The following EXT1 variants were observed in gnomAD, a reference collection of about 807,000 sequenced individuals.
EXT1 encodes the protein exostosin-1.
A neutral mutation model predicts 82.5 loss-of-function variants in EXT1; 20 were observed. The observed-to-expected ratio is 0.24, with a 90% confidence interval of 0.17 to 0.35. The LOEUF is 0.35. Ranked by LOEUF, EXT1 falls within the 10% of genes least tolerant of loss-of-function variation. The pLI, the probability that EXT1 is intolerant of heterozygous loss-of-function variation, is 1.00. For missense variants in EXT1, 757 were observed against 936.5 expected, an observed-to-expected ratio of 0.81 and a Z score of 2.50; for synonymous variants, 348 against 350.8, an observed-to-expected ratio of 0.99 and a Z score of 0.09.
At chr8:118,036,640 A>G (rs1405436415) in intron 1 of EXT1, among the ~76,000 whole-genome samples, 1 of 152,120 alleles carries the variant, frequency 6.6e-6, no homozygotes, top group Admixed American at 6.5e-5. Context: ...AGAAAATGTT[A>G]CTTCTGTGAT....
rs772967641 is a variant in EXT1, at chr8:118,110,300, C to G, written c.747G>C (p.Gly249=). ...GAGGGATGGTGTTGAACTTCAAAAA[C>G]CCCCTCTCCCCTCCTGTCCTGGGAT... ...KDHPRTGGER[G]FLKFNTIPPL... The change falls in exon 1 of 11, where the codon GGG becomes GGC. Residue 249 remains glycine, a synonymous_variant. Coordinates refer to ENST00000378204, the MANE Select transcript of EXT1 (RefSeq NM_000127.3). The G allele has an allele frequency of 6.2e-7, 1 of 1,614,132 alleles. No homozygotes were observed. The highest frequency in any genetic ancestry group is 2.2e-5 in the East Asian group (1 of 44,880).
intron 1 of EXT1, among the ~76,000 whole-genome samples, chr8:117,969,915 T>C (rs970384539): frequency 6.6e-6 from 1 of 152,174 alleles, no homozygotes; most frequent in Non-Finnish European, 1.5e-5. Flanking sequence ...GGATCCAAGT[T>C]ACCTTGATTA....
intron 1 of EXT1, among the ~76,000 whole-genome samples, chr8:117,931,401 C>A (rs1161204578): frequency 6.6e-6 from 1 of 150,818 alleles, no homozygotes; most frequent in Non-Finnish European, 1.5e-5. Context: ...GATATATTAG[C>A]AATTGATAAA....
intron 1 of EXT1, among the ~76,000 whole-genome samples, chr8:118,107,444 C>T (rs1586277750): frequency 6.6e-6 from 1 of 152,138 alleles, no homozygotes; most frequent in Non-Finnish European, 1.5e-5. Context: ...AAAAGTCACA[C>T]CATGAGTCAG....
chr8:118,000,979 G>T (rs559024216), intron 1 of EXT1, among the ~76,000 whole-genome samples: 1 of 152,294 alleles, frequency 6.6e-6, no homozygotes, highest in African/African-American at 2.4e-5. Flanking sequence ...ATTCCCCATT[G>T]TCCTATACGC....
At chr8:117,870,696 A>G (rs1291023827) in intron 1 of EXT1, among the ~76,000 whole-genome samples, 1 of 152,118 alleles carries the variant, frequency 6.6e-6, no homozygotes, top group East Asian at 1.9e-4. Flanking sequence ...GTTAGAAAAT[A>G]CAGATGAACT....
chr8:118,035,170 A>T (rs921356504), intron 1 of EXT1, among the ~76,000 whole-genome samples: 17 of 152,186 alleles, frequency 1.1e-4, no homozygotes, highest in African/African-American at 3.4e-4. Flanking sequence ...AGAACCATGC[A>T]TCAGCTTTTC....
intron 1 of EXT1, among the ~76,000 whole-genome samples, chr8:117,948,530 A>G (rs140663965): frequency 0.016 from 2,435 of 152,302 alleles, 28 homozygotes; most frequent in Non-Finnish European, 0.023. Context: ...AACTTTACAC[A>G]TAGTACCAGG....
chr8:117,871,300 A>G (rs1812865796), intron 1 of EXT1, among the ~76,000 whole-genome samples: 1 of 152,222 alleles, frequency 6.6e-6, no homozygotes, highest in Admixed American at 6.5e-5. Context: ...AAAATGCAGT[A>G]CTGTTTCTTT....
At chr8:118,082,881 T>C (rs1474889843) in intron 1 of EXT1, among the ~76,000 whole-genome samples, 1 of 152,152 alleles carries the variant, frequency 6.6e-6, no homozygotes, top group Non-Finnish European at 1.5e-5. Flanking sequence ...AAATTGAAAA[T>C]AGAGAAGAAA....
chr8:117,863,881 C>T (rs538895358), intron 1 of EXT1, among the ~76,000 whole-genome samples: 27 of 152,242 alleles, frequency 1.8e-4, no homozygotes, highest in Middle Eastern at 3.4e-3. Context: ...GCTCTAAGCC[C>T]GGTCAGCATA....
At position 118,024,809 on chromosome 8, in the gene EXT1, A is replaced by T. The variant is rs1816174150; in HGVS notation, c.962+85276T>A. On this transcript the variant is annotated intron_variant, in intron 1 of 10. Transcript: ENST00000378204. ...GAGGCTGGAGAGTTGGAGGGAAATCAGATCACAGGAGGCATGATCCTTGTA... is the reference window on the plus strand; with the variant it reads ...GAGGCTGGAGAGTTGGAGGGAAATCTGATCACAGGAGGCATGATCCTTGTA... 2.0e-5 allele frequency among the ~76,000 whole-genome samples: 3 copies of T among 152,236 alleles called. No individual in the cohort carries two copies. The South Asian group carries it at 6.2e-4, about 31-fold the overall frequency.
chr8:117,812,700 G>C (rs1039867059), intron 8 of EXT1, among the ~76,000 whole-genome samples, 172 bp downstream of exon 8: 1 of 152,224 alleles, frequency 6.6e-6, no homozygotes, highest in African/African-American at 2.4e-5. Flanking sequence ...AGAGTGCCAG[G>C]TGGCAGCAAG....
chr8:118,011,193 T>A (rs1214522575), intron 1 of EXT1, among the ~76,000 whole-genome samples: 1 of 152,118 alleles, frequency 6.6e-6, no homozygotes, highest in Non-Finnish European at 1.5e-5. Context: ...CTCTCATATC[T>A]CTTTTCCCTG....
At chr8:118,107,814 G>T (rs183519299) in intron 1 of EXT1, among the ~76,000 whole-genome samples, 1 of 152,174 alleles carries the variant, frequency 6.6e-6, no homozygotes, top group Non-Finnish European at 1.5e-5. Context: ...TGTACCAGGC[G>T]AGTGAATGTA....
At chr8:117,930,735 C>T (rs577149246) in intron 1 of EXT1, among the ~76,000 whole-genome samples, 103 of 152,252 alleles carry the variant, frequency 6.8e-4, no homozygotes, top group African/African-American at 2.3e-3. Flanking sequence ...AGGCAGAGAC[C>T]TACTAGGAGG....
At chr8:118,055,423 A>G (rs1231907643) in intron 1 of EXT1, among the ~76,000 whole-genome samples, 1 of 152,242 alleles carries the variant, frequency 6.6e-6, no homozygotes, top group East Asian at 1.9e-4. Context: ...TGTGGCTACT[A>G]TAAATAAAGC....
At chr8:117,862,897 T>A (rs1273313754) in intron 1 of EXT1, among the ~76,000 whole-genome samples, 1 of 142,086 alleles carries the variant, frequency 7.0e-6, no homozygotes, top group East Asian at 2.0e-4. Context: ...ATTCGGGAAG[T>A]GGAAAGCATG....
chr8:117,922,413 G>A (rs774596327), intron 1 of EXT1, among the ~76,000 whole-genome samples: 1 of 152,180 alleles, frequency 6.6e-6, no homozygotes, highest in Non-Finnish European at 1.5e-5. Context: ...AAAGAACAGA[G>A]GGGCAAGTTG....
Sources: allele counts gnomAD v4.1 joint callset (sites outside exome capture counted in the v4.1 genomes callset), GRCh38; gene constraint gnomAD v4.1.1; transcripts MANE v1.5; gene names NCBI Gene and HGNC (gene_info 2026-07-23, HGNC 2026-07-21).